MARK1: variants seen among roughly 807,000 people sequenced by gnomAD.
MARK1 encodes microtubule affinity regulating kinase 1, also known as serine/threonine-protein kinase MARK1.
A neutral mutation model predicts 96.3 loss-of-function variants in MARK1; 40 were observed. That is an observed-to-expected ratio of 0.42 (90% CI 0.32 to 0.54). The LOEUF is 0.54. Among genes scored for constraint, MARK1 ranks in the 20% least tolerant of loss-of-function variants. The pLI is 0.16. For missense variants in MARK1, 719 were observed against 984.6 expected (o/e 0.73, Z 3.61); for synonymous variants, 317 against 341.2 (o/e 0.93, Z 0.78).
chr1:220,558,133 A>AAATAAT (rs56212262), intron 1 of MARK1, among the ~76,000 whole-genome samples: 1,453 of 137,136 alleles, frequency 0.011, 13 homozygotes, highest in East Asian at 0.043. Flanking sequence ...ACCCTGTCTC[A>AAATAAT]AATAATAATA....
At chr1:220,534,667 G>A (rs1660559652) in intron 1 of MARK1, among the ~76,000 whole-genome samples, 1 of 152,020 alleles carries the variant, frequency 6.6e-6, no homozygotes, top group Non-Finnish European at 1.5e-5. Context: ...ATATTGAACA[G>A]CAACTCCCTA....
intron 13 of MARK1, among the ~76,000 whole-genome samples, chr1:220,640,009 C>G (rs2103025930): frequency 6.6e-6 from 1 of 152,290 alleles, no homozygotes; most frequent in African/African-American, 2.4e-5. Context: ...GACTATATGA[C>G]TCTTTACAGA....
In MARK1 at chr1:220,644,461, CCA is replaced by C. The variant is rs1479099961; in HGVS notation, c.1471-6148_1471-6147del. Among the ~76,000 whole-genome samples, 90 of 135,942 alleles carry C rather than the reference CCA, an allele frequency of 6.6e-4. 1 individual carries two copies. The East Asian group carries it at 0.019, about 29-fold the overall frequency. The allele number at this position is 135,942 out of a possible 152,430, so 89.2% of individuals were successfully genotyped here. A position where few individuals can be genotyped will look rare whatever the true frequency, so the allele number is the denominator to read the frequency against. ...CAAAGAGACTTAGACCCCCCCCCCC[CCA>C]CACACACACAATAATAGTGGAAGAC... is the stretch of plus-strand genomic sequence containing the variant. On this transcript the variant is annotated intron_variant, in intron 13 of 17. Coordinates refer to ENST00000366917, the MANE Select transcript of MARK1 (RefSeq NM_018650.5).
intron 3 of MARK1, among the ~76,000 whole-genome samples, chr1:220,587,732 T>C (rs1472716842): frequency 2.0e-5 from 3 of 152,232 alleles, no homozygotes; most frequent in African/African-American, 7.2e-5. Flanking sequence ...ATGCATAGTT[T>C]ATCCATTTTC....
Position 220,575,892 on chromosome 1 carries a change from C to A in MARK1, c.52-3462C>A, listed in dbSNP as rs182539469. Among the ~76,000 whole-genome samples the A allele has an allele frequency of 7.3e-5, 11 of 150,742 alleles. No homozygotes were observed. The East Asian group carries it at 2.2e-3, about 30-fold the overall frequency. ...ATCGTTTGTCGATCTCTGTGTTACA[C>A]CATACTTGGTGATGGGGATGCAAAA... On this transcript the variant is annotated intron_variant, in intron 1 of 17. Transcript: ENST00000366917.
chr1:220,593,043 A>G lies in MARK1; in HGVS notation c.310-5288A>G, dbSNP rs138083409. On this transcript the variant is annotated intron_variant, in intron 3 of 17. Coordinates refer to ENST00000366917, the MANE Select transcript of MARK1 (RefSeq NM_018650.5). ...ATATTCTATATGAGTGTAGGAGAGC[A>G]AGACTGATGCCAGGGACTTTTCTGT... 4.7e-4 allele frequency among the ~76,000 whole-genome samples: 72 copies of G among 152,354 alleles called. No homozygotes were observed. The Middle Eastern group carries it at 0.014, about 29-fold the overall frequency.
intron 1 of MARK1, among the ~76,000 whole-genome samples, chr1:220,547,729 T>C (rs1385816140): frequency 1.3e-5 from 2 of 152,156 alleles, no homozygotes; most frequent in African/African-American, 2.4e-5. Flanking sequence ...CACACCCGGC[T>C]ACATTTTTTT....
At chr1:220,584,743 C>G (rs1664476766) in intron 3 of MARK1, among the ~76,000 whole-genome samples, 1 of 152,176 alleles carries the variant, frequency 6.6e-6, no homozygotes, top group Non-Finnish European at 1.5e-5. Context: ...TTATCAGAAA[C>G]CAAACTTGCA....
intron 6 of MARK1, among the ~76,000 whole-genome samples, chr1:220,612,591 AACAT>A (rs1397456127): frequency 1.3e-5 from 2 of 152,168 alleles, no homozygotes; most frequent in African/African-American, 4.8e-5. Context: ...GAGATATGTA[AACAT>A]ACATACACAC....
chr1:220,652,055 A>C lies in MARK1; in HGVS notation c.1641A>C (p.Ala547=). ...GSSVASAVPS[A]RPRHQKSMST... Reference sequence around the variant, plus strand: ...CTGTGGCCTCTGCTGTCCCCTCAGCACGACCCCGCCACCAGAAGTCCATGT... The same window carrying C: ...CTGTGGCCTCTGCTGTCCCCTCAGCCCGACCCCGCCACCAGAAGTCCATGT... Residue 547 remains alanine, a synonymous_variant, in exon 15 of 18, where the codon GCA becomes GCC. Transcript: ENST00000366917. 6.2e-7 allele frequency: 1 copy of C among 1,613,650 alleles called. No homozygotes were observed. The highest frequency in any genetic ancestry group is 8.5e-7 in the Non-Finnish European group (1 of 1,179,692).
At chr1:220,573,889 A>G (rs1438852789) in intron 1 of MARK1, among the ~76,000 whole-genome samples, 1 of 152,000 alleles carries the variant, frequency 6.6e-6, no homozygotes, top group East Asian at 1.9e-4. Context: ...AGTATATTGT[A>G]GAATTGCCAT....
Position 220,631,948 on chromosome 1 carries a change from G to A in MARK1, c.1010-253G>A, listed in dbSNP as rs1667702570. On this transcript the variant is annotated intron_variant, in intron 10 of 17. Coordinates refer to ENST00000366917, the MANE Select transcript of MARK1 (RefSeq NM_018650.5). ...GAAAGTTAGCTCAGGAATGTATTAGGCAATGAGAAATTAAGTGGGCCCATT... is the reference window on the plus strand; with the variant it reads ...GAAAGTTAGCTCAGGAATGTATTAGACAATGAGAAATTAAGTGGGCCCATT... Among the ~76,000 whole-genome samples, 2 of 152,108 alleles carry A rather than the reference G, an allele frequency of 1.3e-5. 1 individual carries two copies. The highest frequency in any genetic ancestry group is 2.9e-5 in the Non-Finnish European group (2 of 68,022).
chr1:220,533,916 G>A (rs1233344189), intron 1 of MARK1, among the ~76,000 whole-genome samples: 1 of 151,862 alleles, frequency 6.6e-6, no homozygotes, highest in Non-Finnish European at 1.5e-5. Context: ...CTGTTTATCT[G>A]TACTCCAATC....
At chr1:220,635,594 C>T in intron 12 of MARK1, 65 bp downstream of exon 12, 1 of 1,525,292 alleles carries the variant, frequency 6.6e-7, no homozygotes, top group Non-Finnish European at 8.9e-7. Context: ...GTTTTTAAAG[C>T]ATTGTACATT....
chr1:220,629,536 C>T (rs1460988709), intron 9 of MARK1, among the ~76,000 whole-genome samples: 1 of 152,006 alleles, frequency 6.6e-6, no homozygotes, highest in African/African-American at 2.4e-5. Context: ...CCCCATTTCT[C>T]CCTCATCAGC....
chr1:220,569,249 A>T (rs575679398), intron 1 of MARK1, among the ~76,000 whole-genome samples: 1 of 152,124 alleles, frequency 6.6e-6, no homozygotes, highest in Admixed American at 6.6e-5. Context: ...GACTTGTGGA[A>T]GTTTAGTATT....
chr1:220,530,584 A>G (rs891048086), intron 1 of MARK1, among the ~76,000 whole-genome samples: 2 of 152,208 alleles, frequency 1.3e-5, no homozygotes, highest in Non-Finnish European at 2.9e-5. Context: ...TCATACTTGT[A>G]TGAATAAGGT....
chr1:220,573,465 A>G (rs1421157101), intron 1 of MARK1, among the ~76,000 whole-genome samples: 1 of 152,110 alleles, frequency 6.6e-6, no homozygotes, highest in African/African-American at 2.4e-5. Flanking sequence ...CGGGGACTAC[A>G]GGCACCCGCC....
rs531150743 is a variant in MARK1, at chr1:220,619,688, C to G, written c.909+933C>G. ...TTACAGCCAAGCAAGTTCACATAAC[C>G]AAAATGTCTACTATTTTTTTTCTTC... On this transcript the variant is annotated intron_variant, in intron 9 of 17. Coordinates refer to ENST00000366917, the MANE Select transcript of MARK1 (RefSeq NM_018650.5). 1.5e-4 allele frequency among the ~76,000 whole-genome samples: 23 copies of G among 152,146 alleles called. 1 individual carries two copies. The highest frequency in any genetic ancestry group is 6.8e-3 in the Middle Eastern group (2 of 294).
Sources: allele counts gnomAD v4.1 joint callset (sites outside exome capture counted in the v4.1 genomes callset), GRCh38; gene constraint gnomAD v4.1.1; transcripts MANE v1.5; gene names NCBI Gene and HGNC (gene_info 2026-07-23, HGNC 2026-07-21).